Variants in CNTNAP2 observed in about 807,000 individuals in gnomAD.
The protein encoded by CNTNAP2 is contactin-associated protein-like 2.
CNTNAP2 carries 98 observed loss-of-function variants against 155.2 expected under a neutral mutation model. That is an observed-to-expected ratio of 0.63 (90% CI 0.54 to 0.75). CNTNAP2 has a LOEUF of 0.75. Among genes scored for constraint, CNTNAP2 ranks in the 30% least tolerant of loss-of-function variants. CNTNAP2 has a pLI of 0.00. For missense variants in CNTNAP2, 1,727 were observed against 1,688.1 expected (o/e 1.02, Z -0.40); for synonymous variants, 651 against 631.2 (o/e 1.03, Z -0.47).
intron 14 of CNTNAP2, among the ~76,000 whole-genome samples, chr7:147,961,498 T>C (rs972555401): frequency 1.3e-5 from 2 of 152,206 alleles, no homozygotes; most frequent in Admixed American, 6.6e-5. Flanking sequence ...GCTTGTGAAC[T>C]AATACCACTG....
intron 3 of CNTNAP2, among the ~76,000 whole-genome samples, chr7:146,911,692 G>A (rs6946807): frequency 0.36 from 52,499 of 147,320 alleles, 10,054 homozygotes; most frequent in Middle Eastern, 0.43. Flanking sequence ...GCATTTGGAG[G>A]TATACCTAAG....
At chr7:146,732,598 A>G (rs557287737) in intron 1 of CNTNAP2, among the ~76,000 whole-genome samples, 3 of 152,224 alleles carry the variant, frequency 2.0e-5, no homozygotes, top group South Asian at 4.1e-4. Context: ...TCTGTTCCAG[A>G]TGATAGATTT....
At chr7:146,996,188 G>T (rs1387931799) in intron 3 of CNTNAP2, among the ~76,000 whole-genome samples, 1 of 151,788 alleles carries the variant, frequency 6.6e-6, no homozygotes, top group Non-Finnish European at 1.5e-5. Flanking sequence ...TGTGGTCTTA[G>T]TGCCTTTGTA....
At chr7:147,985,253 T>C (rs10276268) in intron 15 of CNTNAP2, among the ~76,000 whole-genome samples, 10,485 of 151,712 alleles carry the variant, frequency 0.069, 805 homozygotes, top group African/African-American at 0.19. Context: ...TTTTCCAGGA[T>C]GGTAAATAAG....
At chr7:146,187,363 T>C (rs1184671104) in intron 1 of CNTNAP2, among the ~76,000 whole-genome samples, 1 of 152,030 alleles carries the variant, frequency 6.6e-6, no homozygotes, top group Non-Finnish European at 1.5e-5. Flanking sequence ...TTGGCAATGG[T>C]AGAAGCAAAG....
In CNTNAP2 at chr7:147,425,263, G is replaced by A. The variant is rs574386884; in HGVS notation, c.1670+29483G>A. On this transcript the variant is annotated intron_variant, in intron 10 of 23. Coordinates refer to ENST00000361727, the MANE Select transcript of CNTNAP2 (RefSeq NM_014141.6). ...CTTCTTGTTCCACACAATGACCATT[G>A]CCTTTAAAAAAAAAAAAATCACTGT... 7.7e-4 allele frequency among the ~76,000 whole-genome samples: 16 copies of A among 20,846 alleles called. No individual in the cohort carries two copies. The East Asian group carries it at 0.034, about 44-fold the overall frequency. 13.7% of individuals were successfully genotyped at this position (20,846 alleles called of 152,430 possible).
Position 146,354,706 on chromosome 7 carries a change from TG to T in CNTNAP2, c.97+237734del, listed in dbSNP as rs374448276. Among the ~76,000 whole-genome samples, 229 of 152,258 alleles carry T rather than the reference TG, an allele frequency of 1.5e-3. 1 individual carries two copies. The highest frequency in any genetic ancestry group is 5.1e-3 in the African/African-American group (211 of 41,546). ...CTAGGATTACGGAAGTGAGCCACTGTGCCCGGCCCCTATTTTGTTAGTCCTT... is the reference window on the plus strand; with the variant it reads ...CTAGGATTACGGAAGTGAGCCACTGTCCCGGCCCCTATTTTGTTAGTCCTT... On this transcript the variant is annotated intron_variant, in intron 1 of 23. Coordinates refer to ENST00000361727, the MANE Select transcript of CNTNAP2 (RefSeq NM_014141.6).
chr7:146,408,088 A>T (rs1397114402), intron 1 of CNTNAP2, among the ~76,000 whole-genome samples: 1 of 152,156 alleles, frequency 6.6e-6, no homozygotes, highest in Non-Finnish European at 1.5e-5. Context: ...CAGATTTTCA[A>T]CTGTATGGGG....
chr7:146,448,696 A>G (rs1271773105), intron 1 of CNTNAP2, among the ~76,000 whole-genome samples: 6 of 152,130 alleles, frequency 3.9e-5, no homozygotes. Flanking sequence ...AACTAGCATA[A>G]TAAATGGATA....
chr7:148,155,690 A>G (rs1805386984), intron 17 of CNTNAP2, among the ~76,000 whole-genome samples: 1 of 152,212 alleles, frequency 6.6e-6, no homozygotes, highest in Non-Finnish European at 1.5e-5. Flanking sequence ...TTTATATCTC[A>G]AAAGGGCAGA....
At chr7:146,238,902 C>G (rs1799517271) in intron 1 of CNTNAP2, among the ~76,000 whole-genome samples, 1 of 152,150 alleles carries the variant, frequency 6.6e-6, no homozygotes, top group Admixed American at 6.5e-5. Flanking sequence ...CTCACTATCA[C>G]AAGAACAGCA....
chr7:148,257,385 A>G (rs911988540), intron 20 of CNTNAP2, among the ~76,000 whole-genome samples: 10 of 152,188 alleles, frequency 6.6e-5, no homozygotes, highest in Non-Finnish European at 1.5e-4. Flanking sequence ...CGTTTATTCC[A>G]GAGTTCTGTT....
At chr7:147,733,593 T>C (rs1460552817) in intron 13 of CNTNAP2, among the ~76,000 whole-genome samples, 1 of 152,240 alleles carries the variant, frequency 6.6e-6, no homozygotes, top group Admixed American at 6.5e-5. Flanking sequence ...GCATTGAATC[T>C]ATAAATTACC....
intron 18 of CNTNAP2, chr7:148,190,679 G>T (rs1795190514): frequency 6.6e-6 from 1 of 152,122 alleles, no homozygotes; most frequent in Non-Finnish European, 1.5e-5. Flanking sequence ...CAGCAGCATG[G>T]CTCAGTCCAA....
chr7:147,094,689 AT>A (rs1319938996), intron 4 of CNTNAP2, among the ~76,000 whole-genome samples: 1 of 151,470 alleles, frequency 6.6e-6, no homozygotes, highest in East Asian at 1.9e-4. Flanking sequence ...TATTATTATT[AT>A]TTTTTTAAAG....
chr7:147,290,487 C>A (rs1250347899), intron 8 of CNTNAP2, among the ~76,000 whole-genome samples: 1 of 151,934 alleles, frequency 6.6e-6, no homozygotes, highest in Non-Finnish European at 1.5e-5. Flanking sequence ...TCAAGACCAG[C>A]CTGGGCAACC....
intron 9 of CNTNAP2, among the ~76,000 whole-genome samples, chr7:147,301,592 CTGTGTGTGTGTGTGTGTGTGTG>C (rs10585570): frequency 2.4e-4 from 24 of 101,860 alleles, no homozygotes; most frequent in East Asian, 7.4e-4. Context: ...CTCTCTCTCT[CTGTGTGTGTGTGTGTGTGTGTG>C]TGTGTGTGTG....
chr7:146,547,316 T>C (rs1012947608), intron 1 of CNTNAP2, among the ~76,000 whole-genome samples: 2 of 152,044 alleles, frequency 1.3e-5, no homozygotes, highest in Non-Finnish European at 2.9e-5. Context: ...GGAAGCCATT[T>C]TGTTTTTTAA....
chr7:146,866,588 A>G (rs1382440239), intron 3 of CNTNAP2, among the ~76,000 whole-genome samples: 1 of 152,176 alleles, frequency 6.6e-6, no homozygotes, highest in Non-Finnish European at 1.5e-5. Flanking sequence ...ATGACTTCAC[A>G]TATGATTGTA....
Sources: allele counts gnomAD v4.1 joint callset (sites outside exome capture counted in the v4.1 genomes callset), GRCh38; gene constraint gnomAD v4.1.1; transcripts MANE v1.5; gene names NCBI Gene and HGNC (gene_info 2026-07-23, HGNC 2026-07-21).